Variants in EPRS1 observed in about 807,000 individuals in gnomAD.
EPRS1 encodes glutamyl-prolyl-tRNA synthetase 1.
EPRS1 carries 107 observed loss-of-function variants against 188.3 expected under a neutral mutation model. The ratio of observed to expected loss-of-function variants is 0.57; its 90% confidence interval spans 0.49 to 0.67. EPRS1 has a LOEUF of 0.67. Among genes scored for constraint, EPRS1 ranks in the 30% least tolerant of loss-of-function variants. The probability of loss-of-function intolerance (pLI) is 0.00; values close to 1 mark genes in which losing one functional copy is unlikely to be tolerated. For synonymous variants in EPRS1, 596 were observed against 593.1 expected (o/e 1.00, Z -0.07); for missense variants, 1,577 against 1,802.2 (o/e 0.88, Z 2.26).
chr1:219,994,637 CTTCTTTTTTTTT>C (rs1558048917), intron 18 of EPRS1, among the ~76,000 whole-genome samples: 3 of 121,074 alleles, frequency 2.5e-5, no homozygotes, highest in African/African-American at 9.6e-5. Flanking sequence ...GTGGTAACTT[CTTCTTTTTTTTT>C]TTTTTTTTTT....
At chr1:220,038,082 C>T (rs1250992789) in intron 2 of EPRS1, among the ~76,000 whole-genome samples, 4 of 133,936 alleles carry the variant, frequency 3.0e-5, no homozygotes, top group South Asian at 2.4e-4. Flanking sequence ...TCAGCTTTAT[C>T]TTTTTTTTTT....
At chr1:219,995,228 A>T (rs559871103) in intron 18 of EPRS1, among the ~76,000 whole-genome samples, 1 of 152,296 alleles carries the variant, frequency 6.6e-6, no homozygotes, top group African/African-American at 2.4e-5. Context: ...TCATAACCTC[A>T]ACAGTGATAT....
Position 219,997,230 on chromosome 1 carries a change from C to T in EPRS1, c.2294G>A (p.Arg765His), listed in dbSNP as rs763993234. 1.4e-5 allele frequency: 22 copies of T among 1,613,914 alleles called. No individual in the cohort carries two copies. The highest frequency in any genetic ancestry group is 1.3e-4 in the South Asian group (12 of 91,084). ...NRVAVQGDVV[R>H]ELKAKKAPKE... ...TGGTGCTTTCTTGGCTTTTAATTCA[C>T]GAACCACATCTCCTTGAACAGCCAC... The change falls in exon 18 of 32, where the codon CGT becomes CAT. Residue 765 changes from arginine to histidine, a missense_variant. Around this residue, in one of 3 missense-constraint regions of EPRS1, gnomAD observed 1,278 missense variants for 1,457.4 expected, o/e 0.88. Coordinates refer to ENST00000366923, the MANE Select transcript of EPRS1 (RefSeq NM_004446.3).
At position 219,980,736 on chromosome 1, in the gene EPRS1, T is replaced by A. The variant is rs753809197; in HGVS notation, c.3555+20A>T. On this transcript the variant is annotated intron_variant, in intron 25 of 31. Transcript: ENST00000366923. The stretch of plus-strand genomic sequence containing the variant: ...CAAAAATAATGGAACATAGTTAATA[T>A]GGAAAATAACTTTTTATACCTCTTC... The A allele has an allele frequency of 9.1e-6, 14 of 1,541,178 alleles. No individual in the cohort carries two copies. Among genetic ancestry groups the A allele is most frequent in the Non-Finnish European group, 1.3e-5 (14 of 1,117,416 alleles).
At chr1:220,000,989 A>C in intron 17 of EPRS1, 149 bp downstream of exon 17, 1 of 633,074 alleles carries the variant, frequency 1.6e-6, no homozygotes, top group Non-Finnish European at 2.9e-6. Flanking sequence ...TCTTACATGA[A>C]AGGATAACAA....
In EPRS1 at chr1:220,020,105, T is replaced by G. The variant is rs764285886; in HGVS notation, c.1232A>C (p.Glu411Ala). 6.2e-7 allele frequency: 1 copy of G among 1,613,990 alleles called. No homozygotes were observed. The highest frequency in any genetic ancestry group is 8.5e-7 in the Non-Finnish European group (1 of 1,179,876). The change falls in exon 10 of 32, where the codon GAA (glutamate) becomes GCA (alanine). Residue 411 changes from glutamate to alanine, a missense_variant. Coordinates refer to ENST00000366923, the MANE Select transcript of EPRS1 (RefSeq NM_004446.3). ...DRDEQFYWII[E>A]ALGIRKPYIW... The stretch of plus-strand genomic sequence containing the variant: ...ATATGGTTTTCTTATGCCTAAAGCT[T>G]CAATAATCCAGTAAAACTGCTCATC...
chr1:219,987,657 C>G lies in EPRS1; in HGVS notation c.2776-253G>C, dbSNP rs974700635. 4.0e-5 allele frequency among the ~76,000 whole-genome samples: 6 copies of G among 149,210 alleles called. No homozygotes were observed. The Admixed American group carries it at 4.0e-4, about 10-fold the overall frequency. On this transcript the variant is annotated intron_variant, in intron 19 of 31. Coordinates refer to ENST00000366923, the MANE Select transcript of EPRS1 (RefSeq NM_004446.3). ...GTAGATCTGCAAACACAATTAAAGA[C>G]AGGGGTTTGGGGACAGAGGGGTTTG... is the stretch of plus-strand genomic sequence containing the variant.
At chr1:220,005,771 G>A (rs1661450052) in intron 15 of EPRS1, among the ~76,000 whole-genome samples, 2 of 148,984 alleles carry the variant, frequency 1.3e-5, no homozygotes, top group Non-Finnish European at 3.0e-5. Context: ...CAACTTCACT[G>A]TGTTTCACTT....
chr1:219,972,256 G>A (rs1660681953), intron 29 of EPRS1, 109 bp from the exon 30 acceptor site: 2 of 611,640 alleles, frequency 3.3e-6, no homozygotes, highest in Non-Finnish European at 5.7e-6. Flanking sequence ...GAGTGAGAAG[G>A]ACTCAATTTG....
chr1:220,015,324 G>A (rs1183337532), intron 12 of EPRS1, among the ~76,000 whole-genome samples: 3 of 151,976 alleles, frequency 2.0e-5, no homozygotes, highest in Non-Finnish European at 4.4e-5. Context: ...TTAGCCAGGT[G>A]CAGTGGCAGA....
rs1662105361 is a variant in EPRS1 at position 220,032,441 on chromosome 1, C to G, written c.474G>C (p.Gln158His). The G allele has an allele frequency of 6.2e-7, 1 of 1,613,558 alleles. No individual in the cohort carries two copies. Among genetic ancestry groups the G allele is most frequent in the African/African-American group, 1.3e-5 (1 of 74,772 alleles). ...KRWFGFLEAQQAFQSVGTKWD... is the reference protein window; with the variant it reads ...KRWFGFLEAQHAFQSVGTKWD... ...ACTTGGTACCTACTGACTGGAAGGCCTGCTGGGCTTCAAGAAAGCCAAACC... is the reference window on the plus strand; with the variant it reads ...ACTTGGTACCTACTGACTGGAAGGCGTGCTGGGCTTCAAGAAAGCCAAACC... Residue 158 changes from glutamine (Q) to histidine (H), a missense_variant, in exon 5 of 32, where the codon CAG becomes CAC. Around this residue, in one of 3 missense-constraint regions of EPRS1, gnomAD observed 1,278 missense variants for 1,457.4 expected, o/e 0.88. Coordinates refer to ENST00000366923, the MANE Select transcript of EPRS1 (RefSeq NM_004446.3).
chr1:219,987,357 C>T lies in EPRS1; in HGVS notation c.2823G>A (p.Gln941=), dbSNP rs1434146937. Residue 941 remains glutamine (Q), a synonymous_variant, in exon 20 of 32, where the codon CAG becomes CAA. Transcript: ENST00000366923. ...ACTCTACTCCTATCAAAGACTTGTACTGTGCCTTTAGCTGAAGGAGTTCTT... is the reference window on the plus strand; with the variant it reads ...ACTCTACTCCTATCAAAGACTTGTATTGTGCCTTTAGCTGAAGGAGTTCTT... The part of the protein sequence containing the change: ...AVQELLQLKA[Q]YKSLIGVEYK... 1.2e-6 allele frequency: 2 copies of T among 1,613,080 alleles called. No individual in the cohort carries two copies. Among genetic ancestry groups the T allele is most frequent in the South Asian group, 1.1e-5 (1 of 90,826 alleles).
In EPRS1 at chr1:220,031,849, T is replaced by C. The variant is rs540993903; in HGVS notation, c.528+538A>G. On this transcript the variant is annotated intron_variant, in intron 5 of 31. Coordinates refer to ENST00000366923, the MANE Select transcript of EPRS1 (RefSeq NM_004446.3). ...GGTGTAAAATTAATGAGGTTTTATT[T>C]ATATGGAGTTTGGATTGCCTAAGGG... is the stretch of plus-strand genomic sequence containing the variant. Among the ~76,000 whole-genome samples, 20 of 152,268 alleles carry C rather than the reference T, an allele frequency of 1.3e-4. No individual in the cohort carries two copies. In the South Asian group the frequency reaches 4.1e-3, roughly 32 times the overall value.
chr1:219,970,330 G>C (rs1337801531), intron 30 of EPRS1, among the ~76,000 whole-genome samples: 1 of 152,164 alleles, frequency 6.6e-6, no homozygotes, highest in Admixed American at 6.5e-5. Flanking sequence ...TATGAAGGTG[G>C]AGACCCAAGA....
intron 28 of EPRS1, among the ~76,000 whole-genome samples, chr1:219,973,649 T>C (rs1164948063): frequency 6.6e-6 from 1 of 151,882 alleles, no homozygotes; most frequent in Non-Finnish European, 1.5e-5. Flanking sequence ...AACAGAGTAG[T>C]TTCTAGACCA....
intron 30 of EPRS1, among the ~76,000 whole-genome samples, 173 bp downstream of exon 30, chr1:219,971,894 CAA>C (rs1660675175): frequency 1.4e-5 from 2 of 146,682 alleles, no homozygotes; most frequent in Admixed American, 6.9e-5. Flanking sequence ...AAATGTAAAA[CAA>C]AGACTATATA....
chr1:220,037,109 G>A (rs953315482), intron 2 of EPRS1, among the ~76,000 whole-genome samples: 32 of 151,886 alleles, frequency 2.1e-4, no homozygotes, highest in Admixed American at 3.9e-4. Context: ...CAGGTGTATC[G>A]CTAAGCCCAG....
At chr1:219,998,903 A>C (rs1388488424) in intron 17 of EPRS1, among the ~76,000 whole-genome samples, 1 of 134,144 alleles carries the variant, frequency 7.5e-6, no homozygotes, top group African/African-American at 2.9e-5. Context: ...ACAGGGGAAC[A>C]TATGAGTGTA....
At chr1:219,996,149 C>A (rs993051116) in intron 18 of EPRS1, among the ~76,000 whole-genome samples, 6 of 152,184 alleles carry the variant, frequency 3.9e-5, no homozygotes, top group Admixed American at 1.3e-4. Flanking sequence ...CCCTTTGTCT[C>A]TTACCTACAT....
Sources: gnomAD v4.1 joint callset for allele counts (sites outside exome capture counted in the v4.1 genomes callset) on GRCh38, gnomAD v4.1.1 for gene constraint, gnomAD v4.1.1 regional missense constraint, MANE v1.5 for transcripts, NCBI Gene and HGNC (gene_info 2026-07-23, HGNC 2026-07-21) for gene names.